The following ETV6 variants were observed in gnomAD, a reference collection of about 807,000 sequenced individuals.
The protein encoded by ETV6 is ETS variant transcription factor 6, also known as transcription factor ETV6.
Under a neutral mutation model 51.1 loss-of-function variants are expected in ETV6, and 16 were observed. The observed-to-expected ratio is 0.31, with a 90% confidence interval of 0.21 to 0.48. ETV6 has a LOEUF of 0.48. Among genes scored for constraint, ETV6 ranks in the 20% least tolerant of loss-of-function variants. The probability of loss-of-function intolerance (pLI) is 0.99; values close to 1 mark genes in which losing one functional copy is unlikely to be tolerated. For missense variants in ETV6, 458 were observed against 594.8 expected, an observed-to-expected ratio of 0.77 and a Z score of 2.39; for synonymous variants, 240 against 224.1, an observed-to-expected ratio of 1.07 and a Z score of -0.64.
At chr12:11,670,992 TA>T (rs1050889891) in intron 1 of ETV6, among the ~76,000 whole-genome samples, 16 of 152,288 alleles carry the variant, frequency 1.1e-4, no homozygotes, top group African/African-American at 3.8e-4. Context: ...TGCTTTTCCT[TA>T]ACTGTCCTGC....
intron 1 of ETV6, among the ~76,000 whole-genome samples, chr12:11,718,654 G>C (rs1865325405): frequency 6.6e-6 from 1 of 151,022 alleles, no homozygotes; most frequent in African/African-American, 2.4e-5. Context: ...TGTGCCTGTA[G>C]TCCCAGCTAC....
intron 5 of ETV6, among the ~76,000 whole-genome samples, chr12:11,870,384 G>A (rs146870597): frequency 1.1e-4 from 17 of 152,232 alleles, no homozygotes; most frequent in African/African-American, 4.1e-4. Context: ...CCTGTGAGCG[G>A]TAACGCCATG....
chr12:11,662,583 A>C (rs1307677589), intron 1 of ETV6, among the ~76,000 whole-genome samples: 1 of 152,116 alleles, frequency 6.6e-6, no homozygotes, highest in African/African-American at 2.4e-5. Context: ...TTCACCATGG[A>C]GGAGGTGTGG....
At chr12:11,756,414 G>A (rs1565513740) in intron 2 of ETV6, among the ~76,000 whole-genome samples, 1 of 152,214 alleles carries the variant, frequency 6.6e-6, no homozygotes, top group African/African-American at 2.4e-5. Flanking sequence ...TCCATAAAGG[G>A]TACTGAATTT....
In ETV6 at chr12:11,894,159, T is replaced by C. The variant is rs1041267993; in HGVS notation, c.*3113T>C. On this transcript the variant is annotated 3_prime_UTR_variant, in exon 8 of 8. Coordinates refer to ENST00000396373, the MANE Select transcript of ETV6 (RefSeq NM_001987.5). Reference sequence around the variant, plus strand: ...GCTCAATCAGCCATAATCCCTGCTTTCAGAGTTTATATTGTACCTGCCTAA... The same window carrying C: ...GCTCAATCAGCCATAATCCCTGCTTCCAGAGTTTATATTGTACCTGCCTAA... The C allele has an allele frequency of 1.3e-5, 3 of 231,346 alleles. No individual in the cohort carries two copies. The highest frequency in any genetic ancestry group is 6.6e-5 in the African/African-American group (3 of 45,210). 14.3% of individuals were successfully genotyped at this position (231,346 alleles called of 1,614,324 possible).
chr12:11,860,434 G>A (rs554658698), intron 4 of ETV6, among the ~76,000 whole-genome samples: 5 of 152,096 alleles, frequency 3.3e-5, no homozygotes, highest in Non-Finnish European at 7.3e-5. Flanking sequence ...CCGGCTGTGT[G>A]ACTTCAGGCA....
At chr12:11,718,331 A>C (rs1305446337) in intron 1 of ETV6, among the ~76,000 whole-genome samples, 4 of 152,132 alleles carry the variant, frequency 2.6e-5, no homozygotes, top group Non-Finnish European at 5.9e-5. Flanking sequence ...GACTTACAAG[A>C]TGTCTTGAAG....
chr12:11,727,607 G>T (rs1026959791), intron 1 of ETV6, among the ~76,000 whole-genome samples: 2 of 152,158 alleles, frequency 1.3e-5, no homozygotes, highest in African/African-American at 4.8e-5. Flanking sequence ...CTAGTTAAGA[G>T]GCTTGATTAA....
intron 2 of ETV6, among the ~76,000 whole-genome samples, chr12:11,760,910 A>G (rs565680086): frequency 2.0e-3 from 246 of 124,586 alleles, no homozygotes; most frequent in East Asian, 0.014. Flanking sequence ...GTGTGTGTGT[A>G]TATAAAAGTA....
At chr12:11,889,554 TGAG>T (rs1320643209) in intron 7 of ETV6, among the ~76,000 whole-genome samples, 1 of 152,110 alleles carries the variant, frequency 6.6e-6, no homozygotes, top group Non-Finnish European at 1.5e-5. Flanking sequence ...AGCTCTTTGA[TGAG>T]GAGACAGAAC....
intron 2 of ETV6, among the ~76,000 whole-genome samples, chr12:11,807,641 T>G (rs1430552046): frequency 6.6e-6 from 1 of 152,188 alleles, no homozygotes; most frequent in East Asian, 1.9e-4. Flanking sequence ...ATAACCCACT[T>G]TAGTCTTTAC....
rs1946319839 is a variant in ETV6 at position 11,836,596 on chromosome 12, G to A, written c.164-2544G>A. Among the ~76,000 whole-genome samples, 3 of 152,162 alleles carry A rather than the reference G, an allele frequency of 2.0e-5. No individual in the cohort carries two copies. The South Asian group carries it at 6.2e-4, about 32-fold the overall frequency. On this transcript the variant is annotated intron_variant, in intron 2 of 7. Coordinates refer to ENST00000396373, the MANE Select transcript of ETV6 (RefSeq NM_001987.5). ...TGTGCTTAACCGGCAGAGCTGTTTG[G>A]AGTGTGACTCTTCTTGTATTTAGGG... is the stretch of plus-strand genomic sequence containing the variant.
intron 1 of ETV6, among the ~76,000 whole-genome samples, chr12:11,665,829 A>G (rs558944130): frequency 4.6e-5 from 7 of 152,370 alleles, no homozygotes; most frequent in Non-Finnish European, 1.0e-4. Flanking sequence ...AAGTACTGAC[A>G]TGTACACACA....
chr12:11,862,388 A>C (rs1946730130), intron 4 of ETV6, among the ~76,000 whole-genome samples: 1 of 152,218 alleles, frequency 6.6e-6, no homozygotes, highest in South Asian at 2.1e-4. Context: ...GGGGTGTATT[A>C]GTTAGCTAGG....
At chr12:11,783,846 T>C (rs560162902) in intron 2 of ETV6, among the ~76,000 whole-genome samples, 2 of 152,098 alleles carry the variant, frequency 1.3e-5, no homozygotes, top group Non-Finnish European at 2.9e-5. Flanking sequence ...GGTTGGTTGT[T>C]TTTTTGTTTG....
At chr12:11,834,314 G>A (rs1277488858) in intron 2 of ETV6, among the ~76,000 whole-genome samples, 3 of 152,158 alleles carry the variant, frequency 2.0e-5, no homozygotes, top group Admixed American at 2.0e-4. Context: ...CCAGGCTTCA[G>A]CTTCCATCTT....
In ETV6 at chr12:11,894,103, G is replaced by A. The variant is rs1188845725; in HGVS notation, c.*3057G>A. On this transcript the variant is annotated 3_prime_UTR_variant, in exon 8 of 8. Coordinates refer to ENST00000396373, the MANE Select transcript of ETV6 (RefSeq NM_001987.5). ...TCAGATTCAGTTAGCAAACCTTGAT[G>A]AAGCACCTGCTGGACACTGAGGGAC... 2 of 230,050 alleles carry A rather than the reference G, an allele frequency of 8.7e-6. No individual in the cohort carries two copies. The highest frequency in any genetic ancestry group is 1.7e-5 in the Non-Finnish European group (2 of 116,230). 14.3% of individuals were successfully genotyped at this position (230,050 alleles called of 1,614,324 possible). A position where few individuals can be genotyped will look rare whatever the true frequency, so the allele number is the denominator to read the frequency against.
At chr12:11,801,630 G>A (rs1384023800) in intron 2 of ETV6, among the ~76,000 whole-genome samples, 6 of 152,054 alleles carry the variant, frequency 3.9e-5, no homozygotes, top group East Asian at 1.9e-4. Flanking sequence ...GATACCTTAC[G>A]GTTTACCAGT....
chr12:11,775,767 A>G (rs542285345), intron 2 of ETV6, among the ~76,000 whole-genome samples: 2 of 152,354 alleles, frequency 1.3e-5, no homozygotes, highest in Non-Finnish European at 2.9e-5. Flanking sequence ...CCATACAAGC[A>G]GCGCATCCAA....
Sources: gnomAD v4.1 joint callset for allele counts (sites outside exome capture counted in the v4.1 genomes callset) on GRCh38, gnomAD v4.1.1 for gene constraint, MANE v1.5 for transcripts, NCBI Gene and HGNC (gene_info 2026-07-23, HGNC 2026-07-21) for gene names.